INSR: variants seen among roughly 807,000 people sequenced by gnomAD.
INSR encodes insulin receptor, also known as IR.
A neutral mutation model predicts 142.6 loss-of-function variants in INSR; 67 were observed. The ratio of observed to expected loss-of-function variants is 0.47; its 90% CI spans 0.39 to 0.58. The LOEUF (loss-of-function observed/expected upper bound fraction) is 0.58, where lower values mean the gene tolerates loss of function less well. Ranked by LOEUF, INSR falls within the 20% of genes least tolerant of loss-of-function variation. The pLI is 0.00. For missense variants in INSR, 1,248 were observed against 1,833.2 expected (o/e 0.68, Z 5.83); for synonymous variants, 756 against 743.1 (o/e 1.02, Z -0.28).
rs367827848 is a variant in INSR at position 7,125,338 on chromosome 19, C to T, written c.3203G>A (p.Arg1068Gln). The T allele has an allele frequency of 4.5e-5, 73 of 1,613,968 alleles. No individual in the cohort carries two copies. The highest frequency in any genetic ancestry group is 1.3e-4 in the African/African-American group (10 of 74,910). Residue 1068 changes from arginine (R) to glutamine (Q), a missense_variant, in exon 17 of 22, where the codon CGG becomes CAG. Physicochemically the swap from Arg to Gln is conservative, Grantham distance 43. Transcript: ENST00000302850. This position sits in a 1 kb window ranked among gnomAD's most constrained non-coding sequence, Gnocchi z 4.9. ...CGAGGCCTCATTGAGGAACTCAATC[C>T]GCTCTCGGAGACTGGCTGACTCGTT... Reference protein sequence around the residue: ...TVNESASLRERIEFLNEASVM... With the variant: ...TVNESASLREQIEFLNEASVM...
At chr19:7,199,095 G>A (rs1335492362) in intron 2 of INSR, among the ~76,000 whole-genome samples, 2 of 152,042 alleles carry the variant, frequency 1.3e-5, no homozygotes, top group Non-Finnish European at 2.9e-5. Context: ...TGCCCAGGCT[G>A]GTTTAGAACT....
rs1968564144 is a variant in INSR, at chr19:7,293,830, A to G, written c.62T>C (p.Leu21Pro). Residue 21 changes from leucine (L) to proline (P), a missense_variant, in exon 1 of 22, where the codon CTG becomes CCG. Leu to Pro is a moderately conservative substitution (Grantham distance 98, BLOSUM62 -3). Transcript: ENST00000302850. ...AAPLLVAVAA[L>P]LLGAAGHLYP... ...CAGGTGGCCCGCGGCGCCCAGTAGC[A>G]GCGCGGCCACCGCCACCAGCAGCGG... The G allele has an allele frequency of 2.3e-6, 3 of 1,324,854 alleles. No individual in the cohort carries two copies. Among genetic ancestry groups the G allele is most frequent in the Non-Finnish European group, 2.9e-6 (3 of 1,036,116 alleles). 82.1% of individuals were successfully genotyped at this position (1,324,854 alleles called of 1,614,324 possible).
Position 7,125,549 on chromosome 19 carries a change from A to G in INSR, c.3014-22T>C, listed in dbSNP as rs1972626273. 6.2e-7 allele frequency: 1 copy of G among 1,611,502 alleles called. No individual in the cohort carries two copies. The highest frequency in any genetic ancestry group is 8.5e-7 in the Non-Finnish European group (1 of 1,179,998). On this transcript the variant is annotated intron_variant, in intron 16 of 21. Coordinates refer to ENST00000302850, the MANE Select transcript of INSR (RefSeq NM_000208.4). This position sits in a 1 kb window ranked among gnomAD's most constrained non-coding sequence, Gnocchi z 4.9. ...AACACTACTTCTTACTTATCTACAC[A>G]GCATCCTTGGAGGATCCCTTGGGGG...
At chr19:7,117,527 T>G (rs1972366995) in intron 21 of INSR, 117 bp from the exon 22 acceptor site, 1 of 694,264 alleles carries the variant, frequency 1.4e-6, no homozygotes. Flanking sequence ...TCACATCAGA[T>G]GCTGGCTGTG....
chr19:7,219,634 A>AAAAGAAAGG (rs1378753165), intron 2 of INSR, among the ~76,000 whole-genome samples: 2 of 150,664 alleles, frequency 1.3e-5, no homozygotes, highest in African/African-American at 4.9e-5. Context: ...GAGGGAAAGG[A>AAAAGAAAGG]AAAGAAAGGA....
At chr19:7,244,396 G>C (rs1249602099) in intron 2 of INSR, among the ~76,000 whole-genome samples, 1 of 151,988 alleles carries the variant, frequency 6.6e-6, no homozygotes, top group East Asian at 1.9e-4. Flanking sequence ...AGCCGGGCAT[G>C]GTGGTGTGTG....
At chr19:7,222,832 A>G (rs948423164) in intron 2 of INSR, among the ~76,000 whole-genome samples, 2 of 152,180 alleles carry the variant, frequency 1.3e-5, no homozygotes, top group Admixed American at 6.6e-5. Context: ...TGCTTACTCC[A>G]GGGACAGGGA....
intron 14 of INSR, among the ~76,000 whole-genome samples, chr19:7,129,437 G>A (rs1331617638): frequency 6.6e-6 from 1 of 152,084 alleles, no homozygotes; most frequent in Non-Finnish European, 1.5e-5. Flanking sequence ...TGATTCTCCT[G>A]CCTCAGCCTC....
In INSR at chr19:7,267,825, C is replaced by T. The variant is rs52836744; in HGVS notation, c.172G>A (p.Gly58Arg). 6.2e-7 allele frequency: 1 copy of T among 1,614,092 alleles called. No homozygotes were observed. The highest frequency in any genetic ancestry group is 8.5e-7 in the Non-Finnish European group (1 of 1,180,002). ...HELENCSVIE[G>R]HLQILLMFKT... ...AACATCAAGAGTATCTGCAAGTGTC[C>T]TTCGATGACAGAGCAATTCTCCAGC... Residue 58 changes from glycine to arginine, a missense_variant, in exon 2 of 22, where the codon GGA becomes AGA. By Grantham distance (125) the Gly-to-Arg change is moderately radical (BLOSUM62 -2). Around this residue, in one of 3 missense-constraint regions of INSR, gnomAD observed 1,069 missense variants for 1,654.0 expected, o/e 0.65. Coordinates refer to ENST00000302850, the MANE Select transcript of INSR (RefSeq NM_000208.4). The surrounding 1 kb of genome is among the most constrained non-coding windows in gnomAD (Gnocchi z 6.3).
intron 1 of INSR, among the ~76,000 whole-genome samples, chr19:7,290,927 C>T (rs142406729): frequency 2.6e-5 from 4 of 151,162 alleles, no homozygotes; most frequent in Non-Finnish European, 5.9e-5. Flanking sequence ...AAAAATAAGC[C>T]GGTGTTGTGG....
chr19:7,154,597 C>T lies in INSR; in HGVS notation c.2030-1670G>A, dbSNP rs113215642. Among the ~76,000 whole-genome samples, 718 of 150,928 alleles carry T rather than the reference C, an allele frequency of 4.8e-3. 5 individuals are homozygous for T. The highest frequency in any genetic ancestry group is 0.016 in the African/African-American group (641 of 41,352). Reference sequence around the variant, plus strand: ...GATTACAGGCGTGAGCCACTGCACCCGGCCCACAATTACTTTTGCACCAAC... The same window carrying T: ...GATTACAGGCGTGAGCCACTGCACCTGGCCCACAATTACTTTTGCACCAAC... On this transcript the variant is annotated intron_variant, in intron 9 of 21. Transcript: ENST00000302850.
At position 7,192,984 on chromosome 19, in the gene INSR, C is replaced by T. The variant is rs540676569; in HGVS notation, c.653-8347G>A. Among the ~76,000 whole-genome samples the T allele has an allele frequency of 1.3e-5, 2 of 152,266 alleles. No individual in the cohort carries two copies. Among genetic ancestry groups the T allele is most frequent in the East Asian group, 3.9e-4 (2 of 5,180 alleles). On this transcript the variant is annotated intron_variant, in intron 2 of 21. Coordinates refer to ENST00000302850, the MANE Select transcript of INSR (RefSeq NM_000208.4). The surrounding 1 kb of genome is among the most constrained non-coding windows in gnomAD (Gnocchi z 4.2). ...GGACCCTCCCCAAGAAAGACAATGTCCCCACTAAAGGACCCCTTCCCTAGA... is the reference window on the plus strand; with the variant it reads ...GGACCCTCCCCAAGAAAGACAATGTTCCCACTAAAGGACCCCTTCCCTAGA...
chr19:7,269,038 C>CACACACA (rs1967827141), intron 1 of INSR, among the ~76,000 whole-genome samples: 2 of 146,852 alleles, frequency 1.4e-5, no homozygotes, highest in Non-Finnish European at 3.0e-5. Context: ...ACCCACACAC[C>CACACACA]CACACACACA....
rs74174872 is a variant in INSR at position 7,169,576 on chromosome 19, CA to C, written c.1483+960del. Among the ~76,000 whole-genome samples the C allele has an allele frequency of 6.3e-3, 593 of 94,788 alleles. 4 individuals carry two copies. Among genetic ancestry groups the C allele is most frequent in the African/African-American group, 0.018 (503 of 27,514 alleles). The allele number at this position is 94,788 out of a possible 152,430, so 62.2% of individuals were successfully genotyped here. On this transcript the variant is annotated intron_variant, in intron 6 of 21. Transcript: ENST00000302850. ...TGGGTGACAGAGCAAGACTCTGTCC[CA>C]AAAAAAAAAAAAAAAAAAAAAGAAG...
At chr19:7,142,587 T>C (rs1038685925) in intron 12 of INSR, among the ~76,000 whole-genome samples, 1 of 149,956 alleles carries the variant, frequency 6.7e-6, no homozygotes, top group Non-Finnish European at 1.5e-5. Context: ...CCCAGCTACT[T>C]GGGAGGCTGA....
chr19:7,248,753 A>AGTTTTTTTTTTTTT (rs1457381084), intron 2 of INSR, among the ~76,000 whole-genome samples: 3 of 60,680 alleles, frequency 4.9e-5, no homozygotes, highest in Admixed American at 2.6e-4. Context: ...GGTTGGCCAG[A>AGTTTTTTTTTTTTT]ATTTTTTTTT....
At chr19:7,161,703 T>C (rs920227611) in intron 9 of INSR, among the ~76,000 whole-genome samples, 1 of 152,140 alleles carries the variant, frequency 6.6e-6, no homozygotes, top group Non-Finnish European at 1.5e-5. Context: ...ACAGAAGTCT[T>C]GCGTGGGTTA....
chr19:7,248,860 C>T (rs886694227), intron 2 of INSR, among the ~76,000 whole-genome samples: 2 of 145,598 alleles, frequency 1.4e-5, no homozygotes, highest in South Asian at 2.2e-4. Flanking sequence ...CAGGTTCAAG[C>T]GATGGTCTCC....
At chr19:7,260,450 T>G (rs1025519336) in intron 2 of INSR, among the ~76,000 whole-genome samples, 4 of 152,142 alleles carry the variant, frequency 2.6e-5, no homozygotes, top group African/African-American at 9.7e-5. Context: ...TGCCCAGAGC[T>G]GAGAATTTCC....
Sources: gnomAD v4.1 joint callset for allele counts (sites outside exome capture counted in the v4.1 genomes callset) on GRCh38, gnomAD v4.1.1 for gene constraint, gnomAD v4.1.1 regional missense constraint, Gnocchi (gnomAD v3.1) non-coding constraint, MANE v1.5 for transcripts, NCBI Gene and HGNC (gene_info 2026-07-23, HGNC 2026-07-21) for gene names.